SEMA3C: variants seen among roughly 807,000 people sequenced by gnomAD.
SEMA3C encodes semaphorin 3C, also known as semaphorin-3C.
SEMA3C carries 47 observed loss-of-function variants against 89.4 expected under a neutral mutation model. The observed-to-expected ratio is 0.53, with a 90% CI of 0.42 to 0.67. The LOEUF is 0.67. SEMA3C is among the 30% of genes least tolerant of loss of function. The pLI, the probability that SEMA3C is intolerant of heterozygous loss-of-function variation, is 0.00. For synonymous variants in SEMA3C, 310 were observed against 320.2 expected (o/e 0.97, Z 0.34); for missense variants, 839 against 929.1 (o/e 0.90, Z 1.26).
chr7:80,893,939 T>C (rs1184340124), intron 2 of SEMA3C, among the ~76,000 whole-genome samples: 1 of 152,214 alleles, frequency 6.6e-6, no homozygotes, highest in Non-Finnish European at 1.5e-5. Context: ...GTATCATGAA[T>C]GAAAGGTAAC....
Position 80,804,168 on chromosome 7 carries a change from T to C in SEMA3C, c.739A>G (p.Lys247Glu). The C allele has an allele frequency of 6.2e-7, 1 of 1,613,206 alleles. No individual in the cohort carries two copies. Among genetic ancestry groups the C allele is most frequent in the Non-Finnish European group, 8.5e-7 (1 of 1,179,374 alleles). Residue 247 changes from lysine (K) to glutamate (E), a missense_variant, in exon 8 of 18, where the codon AAA becomes GAA. By Grantham distance (56) the Lys-to-Glu change is moderately conservative (BLOSUM62 1). Coordinates refer to ENST00000265361, the MANE Select transcript of SEMA3C (RefSeq NM_006379.5). ...DAKVYFFFKE[K>E]LTDNNRSTKQ... ...GTGCTCCTGTTATTGTCAGTCAGTTTTTCTTTGAAGAAGAAGTACACCTTA... is the reference window on the plus strand; with the variant it reads ...GTGCTCCTGTTATTGTCAGTCAGTTCTTCTTTGAAGAAGAAGTACACCTTA...
chr7:80,814,696 T>G (rs1443728594), intron 5 of SEMA3C, among the ~76,000 whole-genome samples: 2 of 152,140 alleles, frequency 1.3e-5, no homozygotes, highest in African/African-American at 4.8e-5. Context: ...CTCTTCATTC[T>G]CATCTCAGTT....
intron 6 of SEMA3C, among the ~76,000 whole-genome samples, chr7:80,810,375 A>G (rs1789439017): frequency 6.6e-6 from 1 of 152,174 alleles, no homozygotes; most frequent in South Asian, 2.1e-4. Context: ...ACTTATAAAA[A>G]ATGCTTGGCC....
intron 10 of SEMA3C, among the ~76,000 whole-genome samples, chr7:80,800,136 G>C (rs1338667184): frequency 4.9e-5 from 7 of 142,358 alleles, no homozygotes; most frequent in Non-Finnish European, 1.1e-4. Context: ...CTGGGCAACA[G>C]AGCGAGACTC....
At chr7:80,878,398 A>C (rs1791250093) in intron 2 of SEMA3C, among the ~76,000 whole-genome samples, 2 of 152,186 alleles carry the variant, frequency 1.3e-5, no homozygotes, top group African/African-American at 4.8e-5. Context: ...ACAAACAAAA[A>C]AGAATTAAAA....
chr7:80,789,673 A>G (rs1788889797), intron 11 of SEMA3C, 145 bp from the exon 12 acceptor site: 1 of 625,234 alleles, frequency 1.6e-6, no homozygotes, highest in Non-Finnish European at 2.8e-6. Flanking sequence ...AAGAAATAAC[A>G]TGATTATGTT....
At chr7:80,868,511 C>T (rs1001138356) in intron 2 of SEMA3C, among the ~76,000 whole-genome samples, 4 of 152,052 alleles carry the variant, frequency 2.6e-5, no homozygotes, top group South Asian at 2.1e-4. Context: ...TCAAGTGATC[C>T]GCCTGCCTCA....
intron 11 of SEMA3C, among the ~76,000 whole-genome samples, chr7:80,790,319 G>A (rs927913507): frequency 6.6e-6 from 1 of 151,752 alleles, no homozygotes; most frequent in Admixed American, 6.6e-5. Context: ...AAAAGGAGGA[G>A]GAGGAGGAGA....
chr7:80,744,316 C>T lies in SEMA3C; in HGVS notation c.*578G>A, dbSNP rs1263217245. 6.6e-6 allele frequency: 1 copy of T among 152,406 alleles called. No individual in the cohort carries two copies. The highest frequency in any genetic ancestry group is 1.5e-5 in the Non-Finnish European group (1 of 68,304). The allele number at this position is 152,406 out of a possible 1,614,324, so 9.4% of individuals were successfully genotyped here. A position where few individuals can be genotyped will look rare whatever the true frequency, so the allele number is the denominator to read the frequency against. ...AGATACCAGTAACTGATTATTTTTACAATCTTAAAAAAACCCCAACATATT... is the reference window on the plus strand; with the variant it reads ...AGATACCAGTAACTGATTATTTTTATAATCTTAAAAAAACCCCAACATATT... On this transcript the variant is annotated 3_prime_UTR_variant, in exon 18 of 18. Transcript: ENST00000265361.
chr7:80,898,937 T>C (rs1415630357), intron 2 of SEMA3C, among the ~76,000 whole-genome samples: 2 of 152,164 alleles, frequency 1.3e-5, no homozygotes, highest in Non-Finnish European at 2.9e-5. Context: ...TGTAGCTTCA[T>C]ACAAACCTCA....
At position 80,818,318 on chromosome 7, in the gene SEMA3C, T is replaced by C; in HGVS notation, c.428A>G (p.Asn143Ser). 6.2e-7 allele frequency: 1 copy of C among 1,610,792 alleles called. No individual in the cohort carries two copies. ...GAFSPVCTYL[N>S]RGRRSEDQVF... ...ACTTACCTCTGATCTCCTCCCTCTG[T>C]TCAAGTAAGTACAGACAGGACTGAA... The change falls in exon 5 of 18, where the codon AAC becomes AGC. Residue 143 changes from asparagine to serine, a missense_variant. Transcript: ENST00000265361.
At chr7:80,752,345 C>A (rs945159048) in intron 15 of SEMA3C, among the ~76,000 whole-genome samples, 1 of 152,076 alleles carries the variant, frequency 6.6e-6, no homozygotes, top group African/African-American at 2.4e-5. Context: ...GGTGCGGTGG[C>A]TCACGCCTGT....
At chr7:80,792,103 T>C (rs3801355) in intron 11 of SEMA3C, among the ~76,000 whole-genome samples, 5,714 of 152,268 alleles carry the variant, frequency 0.038, 200 homozygotes, top group Admixed American at 0.079. Flanking sequence ...TAGACTTTCA[T>C]CTGGAGTTCA....
chr7:80,768,635 G>A (rs565698545), intron 12 of SEMA3C, among the ~76,000 whole-genome samples: 10 of 152,282 alleles, frequency 6.6e-5, no homozygotes, highest in African/African-American at 2.4e-4. Context: ...GCAGAGACCT[G>A]TCACAACTGA....
chr7:80,764,446 T>C (rs938282266), intron 13 of SEMA3C, among the ~76,000 whole-genome samples: 3 of 152,112 alleles, frequency 2.0e-5, no homozygotes, highest in Admixed American at 2.0e-4. Context: ...ACACTGTGAG[T>C]AGAGAAGGGC....
At chr7:80,918,474 G>A (rs1379404537) in intron 1 of SEMA3C, 2 of 152,166 alleles carry the variant, frequency 1.3e-5, no homozygotes, top group African/African-American at 2.4e-5. Context: ...CTCCCCAACA[G>A]TATCTTACAA....
intron 4 of SEMA3C, among the ~76,000 whole-genome samples, chr7:80,826,420 A>G (rs1432766940): frequency 6.6e-6 from 1 of 152,136 alleles, no homozygotes; most frequent in Admixed American, 6.5e-5. Context: ...CCCAATTACC[A>G]TATTTCCAGC....
intron 12 of SEMA3C, among the ~76,000 whole-genome samples, chr7:80,766,033 C>G (rs1388042685): frequency 6.6e-6 from 1 of 152,104 alleles, no homozygotes. Flanking sequence ...GTATAAGTCA[C>G]TAGGATTGGA....
intron 9 of SEMA3C, 67 bp from the exon 10 acceptor site, chr7:80,800,893 C>T (rs1274707683): frequency 9.9e-7 from 1 of 1,010,958 alleles, no homozygotes; most frequent in Non-Finnish European, 1.4e-6. Flanking sequence ...AAAATTTACC[C>T]TAAGAAAATA....
Sources: gnomAD v4.1 joint callset for allele counts (sites outside exome capture counted in the v4.1 genomes callset) on GRCh38, gnomAD v4.1.1 for gene constraint, MANE v1.5 for transcripts, NCBI Gene and HGNC (gene_info 2026-07-23, HGNC 2026-07-21) for gene names.